The following CHSY3 variants were observed in gnomAD, a reference collection of about 807,000 sequenced individuals.
CHSY3 encodes chondroitin sulfate synthase 3.
In CHSY3, 35 loss-of-function variants were observed where a neutral mutation model predicts 67.2. The ratio of observed to expected loss-of-function variants is 0.52; its 90% CI spans 0.40 to 0.69. The LOEUF is 0.69. Among genes scored for constraint, CHSY3 ranks in the 30% least tolerant of loss-of-function variants. The pLI, the probability that CHSY3 is intolerant of heterozygous loss-of-function variation, is 0.00. For synonymous variants in CHSY3, 474 were observed against 434.7 expected, an observed-to-expected ratio of 1.09 and a Z score of -1.12; for missense variants, 1,069 against 1,138.5, an observed-to-expected ratio of 0.94 and a Z score of 0.88.
chr5:130,114,228 G>T (rs990689748), intron 2 of CHSY3, among the ~76,000 whole-genome samples: 1 of 152,116 alleles, frequency 6.6e-6, no homozygotes, highest in Non-Finnish European at 1.5e-5. Context: ...AGTCTGGTGA[G>T]GTTTTCAACT....
chr5:130,083,480 A>T (rs566224769), intron 2 of CHSY3, among the ~76,000 whole-genome samples: 1 of 152,148 alleles, frequency 6.6e-6, no homozygotes, highest in African/African-American at 2.4e-5. Context: ...CCATAAGGCT[A>T]ATGATTCCAT....
At chr5:129,945,902 CT>C (rs964791956) in intron 2 of CHSY3, among the ~76,000 whole-genome samples, 1 of 152,050 alleles carries the variant, frequency 6.6e-6, no homozygotes, top group Non-Finnish European at 1.5e-5. Context: ...ATTCTTTTTT[CT>C]CTTTTTTTTA....
rs540482904 is a variant in CHSY3 at position 130,163,987 on chromosome 5, A to G, written c.1087-20242A>G. ...AGAAGGTGAAAACTCAGGTGATAACAGCGATTTTTCCCATTTGACAGAATT... is the reference window on the plus strand; with the variant it reads ...AGAAGGTGAAAACTCAGGTGATAACGGCGATTTTTCCCATTTGACAGAATT... On this transcript the variant is annotated intron_variant, in intron 2 of 2. Transcript: ENST00000305031. 2.6e-5 allele frequency among the ~76,000 whole-genome samples: 4 copies of G among 152,302 alleles called. No individual in the cohort carries two copies. In the South Asian group the frequency reaches 8.3e-4, roughly 32 times the overall value.
intron 2 of CHSY3, among the ~76,000 whole-genome samples, chr5:130,083,994 C>G (rs1382006177): frequency 6.6e-6 from 1 of 151,748 alleles, no homozygotes; most frequent in African/African-American, 2.4e-5. Flanking sequence ...AGTTTACTAC[C>G]CACCTTTTAT....
chr5:129,973,896 T>G (rs2149615824), intron 2 of CHSY3, among the ~76,000 whole-genome samples: 1 of 152,260 alleles, frequency 6.6e-6, no homozygotes, highest in East Asian at 1.9e-4. Flanking sequence ...TTTATAAACC[T>G]CAAACTACTT....
chr5:129,953,823 GTTGT>G (rs1458283571), intron 2 of CHSY3, among the ~76,000 whole-genome samples: 3 of 152,034 alleles, frequency 2.0e-5, no homozygotes, highest in African/African-American at 4.8e-5. Context: ...TTTTGATGGG[GTTGT>G]TTGTTTTTTT....
chr5:129,933,283 A>G (rs937521924), intron 2 of CHSY3, among the ~76,000 whole-genome samples: 2 of 152,148 alleles, frequency 1.3e-5, no homozygotes, highest in Non-Finnish European at 2.9e-5. Flanking sequence ...TTCTGTGGAA[A>G]GGAGGGCCAT....
rs1770377787 is a variant in CHSY3 at position 130,185,150 on chromosome 5, C to A, written c.2008C>A (p.His670Asn). 6.2e-7 allele frequency: 1 copy of A among 1,603,014 alleles called. No homozygotes were observed. Among genetic ancestry groups the A allele is most frequent in the Non-Finnish European group, 8.5e-7 (1 of 1,170,006 alleles). The stretch of plus-strand genomic sequence containing the variant: ...GGATTCTGGCCAAGACTCCAGCAAG[C>A]ATATTGAGCTGATAAAAGGGTACCA... ...SRDSGQDSSK[H>N]IELIKGYQNK... The change falls in exon 3 of 3, where the codon CAT becomes AAT. Residue 670 changes from histidine (H) to asparagine (N), a missense_variant. Physicochemically the swap from His to Asn is moderately conservative, Grantham distance 68 (BLOSUM62 1). Coordinates refer to ENST00000305031, the MANE Select transcript of CHSY3 (RefSeq NM_175856.5).
intron 2 of CHSY3, among the ~76,000 whole-genome samples, chr5:130,174,746 C>A (rs1769994357): frequency 6.6e-6 from 1 of 152,138 alleles, no homozygotes; most frequent in African/African-American, 2.4e-5. Flanking sequence ...TTAACACTAA[C>A]AGCCACCCTA....
At chr5:130,034,866 G>A (rs1396118851) in intron 2 of CHSY3, among the ~76,000 whole-genome samples, 1 of 152,088 alleles carries the variant, frequency 6.6e-6, no homozygotes, top group East Asian at 1.9e-4. Context: ...AACATCCCAG[G>A]CAGGCAGAAT....
chr5:130,157,715 T>C (rs888961283), intron 2 of CHSY3, among the ~76,000 whole-genome samples: 3 of 152,168 alleles, frequency 2.0e-5, no homozygotes, highest in Non-Finnish European at 4.4e-5. Context: ...GGTGAATCCA[T>C]AGGGTAAAGT....
At chr5:130,155,498 G>A (rs751223360) in intron 2 of CHSY3, among the ~76,000 whole-genome samples, 7 of 152,108 alleles carry the variant, frequency 4.6e-5, no homozygotes, top group African/African-American at 1.2e-4. Flanking sequence ...AACTAGAAAC[G>A]TTTCTTTTCC....
At chr5:129,925,941 T>C (rs1363627981) in intron 2 of CHSY3, among the ~76,000 whole-genome samples, 1 of 152,134 alleles carries the variant, frequency 6.6e-6, no homozygotes, top group African/African-American at 2.4e-5. Flanking sequence ...CATTTATCAC[T>C]GCATGAGATT....
chr5:130,080,485 C>T (rs771218364), intron 2 of CHSY3, among the ~76,000 whole-genome samples: 2 of 152,090 alleles, frequency 1.3e-5, no homozygotes, highest in Non-Finnish European at 2.9e-5. Flanking sequence ...TTACTTTGTT[C>T]ATAATTTGTT....
rs894234001 is a variant in CHSY3, at chr5:129,905,247, G to C, written c.418G>C (p.Gly140Arg). ...GGGGGAGCCCGAGGAGGAGGACGGGGGCGCGGCTGGGCAGCGGAGAGACGG... is the reference window on the plus strand; with the variant it reads ...GGGGGAGCCCGAGGAGGAGGACGGGCGCGCGGCTGGGCAGCGGAGAGACGG... ...AEGEPEEEDG[G>R]AAGQRRDGRP... Residue 140 changes from glycine to arginine, a missense_variant, in exon 1 of 3, where the codon GGC becomes CGC. Around this residue, in one of 5 missense-constraint regions of CHSY3, gnomAD observed 309 missense variants for 262.5 expected, o/e 1.18. Transcript: ENST00000305031. The C allele has an allele frequency of 1.4e-6, 2 of 1,456,444 alleles. No individual in the cohort carries two copies. Among genetic ancestry groups the C allele is most frequent in the Non-Finnish European group, 9.0e-7 (1 of 1,107,050 alleles). The allele number at this position is 1,456,444 out of a possible 1,614,324, so 90.2% of individuals were successfully genotyped here.
At chr5:130,067,260 G>C (rs1197505746) in intron 2 of CHSY3, among the ~76,000 whole-genome samples, 1 of 152,072 alleles carries the variant, frequency 6.6e-6, no homozygotes, top group Admixed American at 6.6e-5. Flanking sequence ...TTTATATCCT[G>C]TGTGTTTCTC....
intron 2 of CHSY3, among the ~76,000 whole-genome samples, chr5:130,005,779 T>C (rs1186917259): frequency 2.6e-5 from 4 of 152,244 alleles, no homozygotes; most frequent in Admixed American, 2.0e-4. Context: ...AAATTTTGAA[T>C]GTCATTCTGT....
intron 2 of CHSY3, among the ~76,000 whole-genome samples, chr5:129,999,190 C>A (rs747292734): frequency 2.1e-5 from 3 of 141,468 alleles, no homozygotes; most frequent in East Asian, 4.6e-4. Context: ...AATAATGTAT[C>A]TTTTTTTCTA....
chr5:130,167,703 G>T (rs916049862), intron 2 of CHSY3, among the ~76,000 whole-genome samples: 14 of 151,996 alleles, frequency 9.2e-5, no homozygotes, highest in Non-Finnish European at 2.1e-4. Flanking sequence ...ACAACTAAAG[G>T]TTACTCATTA....
Sources: gnomAD v4.1 joint callset for allele counts (sites outside exome capture counted in the v4.1 genomes callset) on GRCh38, gnomAD v4.1.1 for gene constraint, gnomAD v4.1.1 regional missense constraint, MANE v1.5 for transcripts, NCBI Gene and HGNC (gene_info 2026-07-23, HGNC 2026-07-21) for gene names.